CALD1: variants seen among roughly 807,000 people sequenced by gnomAD.
CALD1 encodes caldesmon 1.
CALD1 carries 33 observed loss-of-function variants against 99.9 expected under a neutral mutation model. The ratio of observed to expected loss-of-function variants is 0.33; its 90% CI spans 0.25 to 0.44. The LOEUF (loss-of-function observed/expected upper bound fraction) is 0.44. Among genes scored for constraint, CALD1 ranks in the 20% least tolerant of loss-of-function variants. The pLI, the probability that CALD1 is intolerant of heterozygous loss-of-function variation, is 1.00. For synonymous variants in CALD1, 310 were observed against 325.0 expected (o/e 0.95, Z 0.50); for missense variants, 861 against 962.1 (o/e 0.89, Z 1.39).
chr7:134,859,314 G>A (rs75439744), intron 2 of CALD1, among the ~76,000 whole-genome samples: 1 of 152,146 alleles, frequency 6.6e-6, no homozygotes, highest in East Asian at 1.9e-4. Flanking sequence ...GCAAGTCTAC[G>A]CATTTTTTCT....
upstream of CALD1, among the ~76,000 whole-genome samples, chr7:134,743,040 T>C (rs1026183104): frequency 6.6e-6 from 1 of 152,174 alleles, no homozygotes; most frequent in Non-Finnish European, 1.5e-5. Context: ...TAAGATCTTA[T>C]ACTCATAGGA....
intron 14 of CALD1, among the ~76,000 whole-genome samples, chr7:134,968,071 T>C (rs1808806678): frequency 6.6e-6 from 1 of 152,064 alleles, no homozygotes; most frequent in Middle Eastern, 3.2e-3. Flanking sequence ...CACTTGAATC[T>C]GGGAGGCAGA....
chr7:134,724,227 G>T, the CALD1 span, among the ~76,000 whole-genome samples: 1 of 152,228 alleles, frequency 6.6e-6, no homozygotes, highest in Non-Finnish European at 1.5e-5. Context: ...GGAGGTGAGA[G>T]TGAATACACT....
chr7:134,772,131 G>A (rs1409433502), intron 1 of CALD1, among the ~76,000 whole-genome samples: 2 of 143,834 alleles, frequency 1.4e-5, no homozygotes, highest in African/African-American at 5.2e-5. Context: ...GTCTCACTCA[G>A]TCACTCAGGC....
chr7:134,728,845 C>CTTTTT, the CALD1 span, among the ~76,000 whole-genome samples: 734 of 123,920 alleles, frequency 5.9e-3, no homozygotes, highest in Non-Finnish European at 0.011. Context: ...TATACCTTTT[C>CTTTTT]TTTTTTTTTT....
chr7:134,818,789 C>T (rs985820167), intron 1 of CALD1, among the ~76,000 whole-genome samples: 3 of 152,148 alleles, frequency 2.0e-5, no homozygotes, highest in East Asian at 3.8e-4. Flanking sequence ...TGTGGGCAGC[C>T]GAGCTCCGAG....
chr7:134,935,439 A>G (rs1033998326), intron 5 of CALD1, among the ~76,000 whole-genome samples: 3 of 152,164 alleles, frequency 2.0e-5, no homozygotes, highest in Non-Finnish European at 2.9e-5. Context: ...CGAGGTTTGT[A>G]AACACACGAG....
At chr7:134,812,163 A>C (rs192799386) in intron 1 of CALD1, among the ~76,000 whole-genome samples, 1 of 152,342 alleles carries the variant, frequency 6.6e-6, no homozygotes, top group East Asian at 1.9e-4. Flanking sequence ...AAATATTTGC[A>C]ATTAGCCATT....
intron 3 of CALD1, among the ~76,000 whole-genome samples, chr7:134,879,462 T>C (rs1208353486): frequency 6.6e-6 from 1 of 152,244 alleles, no homozygotes; most frequent in African/African-American, 2.4e-5. Context: ...TCAGGAACAT[T>C]AGTAAAGTAC....
chr7:134,753,504 G>A (rs547494383), intron 1 of CALD1, among the ~76,000 whole-genome samples: 50 of 152,210 alleles, frequency 3.3e-4, no homozygotes, highest in African/African-American at 1.1e-3. Flanking sequence ...ACTGACATCC[G>A]GCTCCACCTA....
chr7:134,761,927 T>C (rs917632615), intron 1 of CALD1, among the ~76,000 whole-genome samples: 3 of 152,198 alleles, frequency 2.0e-5, no homozygotes, highest in African/African-American at 7.2e-5. Flanking sequence ...AAAAGGGTAG[T>C]ATTTAGCAGG....
At chr7:134,785,989 G>T (rs1464825396) in intron 1 of CALD1, among the ~76,000 whole-genome samples, 1 of 152,140 alleles carries the variant, frequency 6.6e-6, no homozygotes, top group Non-Finnish European at 1.5e-5. Flanking sequence ...CAACCAATTG[G>T]CATGTTAAGA....
At chr7:134,957,698 G>A (rs1278684144) in intron 9 of CALD1, among the ~76,000 whole-genome samples, 1 of 152,168 alleles carries the variant, frequency 6.6e-6, no homozygotes, top group Non-Finnish European at 1.5e-5. Context: ...TAGGATTATA[G>A]GTGTGAGCCT....
intron 1 of CALD1, among the ~76,000 whole-genome samples, chr7:134,773,782 C>CTGTGTGTGTGTGTG (rs36104737): frequency 1.4e-5 from 2 of 138,744 alleles, no homozygotes; most frequent in East Asian, 2.1e-4. Context: ...AACCTCTCTT[C>CTGTGTGTGTGTGTG]TGTGTGTGTG....
chr7:134,832,770 GT>G (rs1799282005), intron 1 of CALD1, among the ~76,000 whole-genome samples: 3 of 152,172 alleles, frequency 2.0e-5, no homozygotes, highest in Non-Finnish European at 4.4e-5. Flanking sequence ...TAAGTTTAAG[GT>G]TTTTCCTTTT....
chr7:134,940,699 AC>A (rs1806360469), intron 6 of CALD1, among the ~76,000 whole-genome samples: 1 of 152,178 alleles, frequency 6.6e-6, no homozygotes, highest in Non-Finnish European at 1.5e-5. Flanking sequence ...CCAGGAAGAA[AC>A]CTGTCTAAGC....
intron 1 of CALD1, among the ~76,000 whole-genome samples, chr7:134,780,507 G>C (rs1198889946): frequency 6.6e-6 from 1 of 152,170 alleles, no homozygotes; most frequent in East Asian, 1.9e-4. Context: ...TTGAAAGTGT[G>C]CCTGAGTGTG....
At chr7:134,747,127 T>C (rs1169178486) in intron 1 of CALD1, among the ~76,000 whole-genome samples, 1 of 152,224 alleles carries the variant, frequency 6.6e-6, no homozygotes, top group Non-Finnish European at 1.5e-5. Flanking sequence ...TAGTATAGAT[T>C]GTCATCTCAA....
the CALD1 span, among the ~76,000 whole-genome samples, chr7:134,712,811 G>A: frequency 1.3e-5 from 2 of 152,188 alleles, no homozygotes; most frequent in African/African-American, 2.4e-5. Flanking sequence ...GTCTAAGACG[G>A]AATCAGGCGT....
Sources: allele counts gnomAD v4.1 joint callset (sites outside exome capture counted in the v4.1 genomes callset), GRCh38; gene constraint gnomAD v4.1.1; transcripts MANE v1.5; gene names NCBI Gene and HGNC (gene_info 2026-07-23, HGNC 2026-07-21).